LAMA3: variants seen among roughly 807,000 people sequenced by gnomAD.
LAMA3 encodes laminin subunit alpha 3, also known as laminin subunit alpha-3.
LAMA3 carries 281 observed loss-of-function variants against 402.0 expected under a neutral mutation model. The ratio of observed to expected loss-of-function variants is 0.70; its 90% CI spans 0.63 to 0.77. LAMA3 has a LOEUF of 0.77. LAMA3 is among the 30% of genes least tolerant of loss of function. The pLI is 0.00. For synonymous variants in LAMA3, 1,431 were observed against 1,558.4 expected, an observed-to-expected ratio of 0.92 and a Z score of 1.93; for missense variants, 3,840 against 4,215.5, an observed-to-expected ratio of 0.91 and a Z score of 2.47.
intron 52 of LAMA3, 63 bp downstream of exon 52, chr18:23,905,687 G>A: frequency 2.2e-6 from 2 of 898,694 alleles, no homozygotes; most frequent in East Asian, 4.9e-5. Context: ...CTGGGACCAG[G>A]TGGGGCAGCC....
rs2063389632 is a variant in LAMA3, at chr18:23,826,733, A to G, written c.2603A>G (p.Tyr868Cys). 3 of 1,564,490 alleles carry G rather than the reference A, an allele frequency of 1.9e-6. No individual in the cohort carries two copies. Among genetic ancestry groups the G allele is most frequent in the Non-Finnish European group, 2.6e-6 (3 of 1,152,898 alleles). ...CTGGTGCTGCTCCCCAGGGACTACT[A>G]TGAAGCCTCTGTACTGCAGCTGCCA... Reference protein sequence around the residue: ...DYLVLLPRDYYEASVLQLPVT... With the variant: ...DYLVLLPRDYCEASVLQLPVT... The change falls in exon 22 of 75, where the codon TAT becomes TGT. Residue 868 changes from tyrosine (Y) to cysteine (C), a missense_variant. This residue lies in a region of LAMA3 where 2,109 missense variants were observed against 2,376.0 expected (regional missense o/e 0.89). Transcript: ENST00000313654.
At chr18:23,845,976 T>C (rs1443565603) in intron 30 of LAMA3, among the ~76,000 whole-genome samples, 1 of 152,186 alleles carries the variant, frequency 6.6e-6, no homozygotes, top group Non-Finnish European at 1.5e-5. Context: ...TAGGTCGACT[T>C]TTTTGGTAAC....
At chr18:23,812,127 C>T (rs2063084959) in intron 13 of LAMA3, among the ~76,000 whole-genome samples, 1 of 152,194 alleles carries the variant, frequency 6.6e-6, no homozygotes, top group Non-Finnish European at 1.5e-5. Flanking sequence ...CCCGCCTTGG[C>T]CTCCCAAAGT....
chr18:23,886,031 A>C (rs919810738), intron 41 of LAMA3, among the ~76,000 whole-genome samples: 4 of 152,218 alleles, frequency 2.6e-5, no homozygotes, highest in Non-Finnish European at 5.9e-5. Context: ...GTATTCACTG[A>C]TAACATCACA....
chr18:23,811,613 C>T (rs896920069), intron 13 of LAMA3, among the ~76,000 whole-genome samples: 2 of 152,126 alleles, frequency 1.3e-5, no homozygotes, highest in Non-Finnish European at 2.9e-5. Flanking sequence ...CATCCCAGGG[C>T]TAGATGGCAA....
At chr18:23,832,630 T>A (rs1394069579) in intron 23 of LAMA3, among the ~76,000 whole-genome samples, 1 of 152,190 alleles carries the variant, frequency 6.6e-6, no homozygotes, top group Non-Finnish European at 1.5e-5. Flanking sequence ...TCTAGGAATC[T>A]TACAGAAATA....
At chr18:23,690,873 T>TTATC (rs2145791192) in intron 1 of LAMA3, among the ~76,000 whole-genome samples, 1 of 9,462 alleles carries the variant, frequency 1.1e-4, no homozygotes. Context: ...GGCCTGGCAA[T>TTATC]TATTTATTTA....
intron 38 of LAMA3, chr18:23,872,899 T>G: frequency 1.2e-6 from 1 of 840,360 alleles, no homozygotes; most frequent in Non-Finnish European, 1.9e-6. Context: ...ACAGGCTGAC[T>G]CATGTGTGAA....
intron 2 of LAMA3, among the ~76,000 whole-genome samples, chr18:23,714,576 C>A (rs1287957872): frequency 6.6e-6 from 1 of 151,968 alleles, no homozygotes; most frequent in African/African-American, 2.4e-5. Flanking sequence ...AGATAGATGC[C>A]CATCCCTGTC....
At chr18:23,740,615 A>T (rs1347195554) in intron 2 of LAMA3, among the ~76,000 whole-genome samples, 1 of 152,040 alleles carries the variant, frequency 6.6e-6, no homozygotes, top group Non-Finnish European at 1.5e-5. Context: ...CGATTTTTTT[A>T]AAAGAACCTA....
intron 1 of LAMA3, among the ~76,000 whole-genome samples, chr18:23,694,213 T>C (rs1490589955): frequency 6.6e-6 from 1 of 152,204 alleles, no homozygotes; most frequent in Non-Finnish European, 1.5e-5. Context: ...TAAATGAATA[T>C]TAACTGGAGA....
At chr18:23,923,709 T>C (rs1055652940) in intron 62 of LAMA3, among the ~76,000 whole-genome samples, 1 of 152,104 alleles carries the variant, frequency 6.6e-6, no homozygotes, top group African/African-American at 2.4e-5. Flanking sequence ...CAGGTAGTCA[T>C]TGAGGTGGTA....
intron 29 of LAMA3, among the ~76,000 whole-genome samples, chr18:23,844,751 T>C (rs915338294): frequency 2.0e-5 from 3 of 152,224 alleles, no homozygotes; most frequent in African/African-American, 4.8e-5. Context: ...TTTCAGATTT[T>C]TTTCAGATTT....
intron 21 of LAMA3, 85 bp downstream of exon 21, chr18:23,824,650 A>G (rs2063347030): frequency 3.5e-6 from 5 of 1,423,316 alleles, no homozygotes; most frequent in Non-Finnish European, 5.0e-6. Context: ...ATCCACAGCG[A>G]CCATAAAATA....
intron 39 of LAMA3, among the ~76,000 whole-genome samples, chr18:23,878,060 G>A (rs1165117825): frequency 6.6e-6 from 1 of 152,094 alleles, no homozygotes; most frequent in African/African-American, 2.4e-5. Context: ...TTGCAATGAT[G>A]GCGCCACTGC....
intron 11 of LAMA3, among the ~76,000 whole-genome samples, chr18:23,781,585 TGACAA>T (rs1274420236): frequency 6.6e-6 from 1 of 152,146 alleles, no homozygotes; most frequent in African/African-American, 2.4e-5. Context: ...GTATGAAGTG[TGACAA>T]GACAAAAGAG....
intron 60 of LAMA3, among the ~76,000 whole-genome samples, chr18:23,917,070 T>TC (rs1351808344): frequency 1.3e-5 from 2 of 152,136 alleles, no homozygotes; most frequent in African/African-American, 4.8e-5. Flanking sequence ...CTTCTTTGCG[T>TC]CCATGTGTAC....
intron 27 of LAMA3, among the ~76,000 whole-genome samples, chr18:23,840,988 T>C (rs2063689227): frequency 6.6e-6 from 1 of 152,202 alleles, no homozygotes; most frequent in Admixed American, 6.5e-5. Flanking sequence ...CATTTTGGAT[T>C]TTCAGTTTAG....
Position 23,689,898 on chromosome 18 carries a change from G to A in LAMA3, c.215G>A (p.Gly72Asp). ...GCCACCTGCGGGGAGAGGGGACCCG[G>A]CGAGGGGAGGCCCCAGCCCGAGCTC... ...ATATCGERGP[G>D]EGRPQPELYC... The change falls in exon 1 of 75, where the codon GGC (glycine) becomes GAC (aspartate). Residue 72 changes from glycine (G) to aspartate (D), a missense_variant. Transcript: ENST00000313654. 6.5e-7 allele frequency: 1 copy of A among 1,537,050 alleles called. No individual in the cohort carries two copies. Among genetic ancestry groups the A allele is most frequent in the East Asian group, 2.5e-5 (1 of 39,304 alleles).
Sources: allele counts gnomAD v4.1 joint callset (sites outside exome capture counted in the v4.1 genomes callset), GRCh38; gene constraint gnomAD v4.1.1; regional missense constraint gnomAD v4.1.1; transcripts MANE v1.5; gene names NCBI Gene and HGNC (gene_info 2026-07-23, HGNC 2026-07-21).